Variants in TANC1 observed in about 807,000 individuals in gnomAD.
TANC1 encodes tetratricopeptide repeat, ankyrin repeat and coiled-coil containing 1, also known as protein TANC1.
Under a neutral mutation model 149.7 loss-of-function variants are expected in TANC1, and 77 were observed. That is an observed-to-expected ratio of 0.51 (90% CI 0.43 to 0.62). The LOEUF (loss-of-function observed/expected upper bound fraction) is 0.62, where lower values mean the gene tolerates loss of function less well. TANC1 is among the 20% of genes least tolerant of loss of function. The pLI is 0.00. For synonymous variants in TANC1, 854 were observed against 925.0 expected (o/e 0.92, Z 1.39); for missense variants, 1,985 against 2,321.8 (o/e 0.85, Z 2.98).
intron 19 of TANC1, among the ~76,000 whole-genome samples, chr2:159,205,623 A>G (rs1465055346): frequency 6.6e-6 from 1 of 152,256 alleles, no homozygotes; most frequent in East Asian, 1.9e-4. Flanking sequence ...AAAAGGCTGT[A>G]CCATATAGTC....
At chr2:159,094,626 C>T (rs907777839) in intron 3 of TANC1, among the ~76,000 whole-genome samples, 2 of 152,178 alleles carry the variant, frequency 1.3e-5, no homozygotes, top group Non-Finnish European at 2.9e-5. Flanking sequence ...AAACTCGTGA[C>T]CTGGCCGAAA....
chr2:159,208,491 T>C (rs952493253), intron 19 of TANC1, among the ~76,000 whole-genome samples: 4 of 152,182 alleles, frequency 2.6e-5, no homozygotes, highest in Non-Finnish European at 5.9e-5. Flanking sequence ...TACAGTAGAG[T>C]TTGTAACATG....
At chr2:159,158,923 T>C (rs2053715247) in intron 7 of TANC1, among the ~76,000 whole-genome samples, 1 of 152,256 alleles carries the variant, frequency 6.6e-6, no homozygotes, top group Non-Finnish European at 1.5e-5. Flanking sequence ...TTGTCTTCTC[T>C]GTAGCTCAAA....
chr2:159,214,108 G>A (rs1466209684), intron 19 of TANC1, among the ~76,000 whole-genome samples: 1 of 109,818 alleles, frequency 9.1e-6, no homozygotes, highest in Non-Finnish European at 1.7e-5. Context: ...CTGGGCAACA[G>A]AGCAAGATCC....
chr2:159,113,243 A>T (rs2047934517), intron 4 of TANC1, among the ~76,000 whole-genome samples: 1 of 152,134 alleles, frequency 6.6e-6, no homozygotes, highest in Non-Finnish European at 1.5e-5. Flanking sequence ...TGGGCATGAG[A>T]AGTTTAAGCA....
intron 1 of TANC1, among the ~76,000 whole-genome samples, chr2:158,982,158 C>T (rs2034461409): frequency 6.6e-6 from 1 of 152,118 alleles, no homozygotes; most frequent in Non-Finnish European, 1.5e-5. Flanking sequence ...TGGTAGCTGT[C>T]ATAAGCAGCT....
rs56319016 is a variant in TANC1, at chr2:159,203,209, C to CTTTTTTTT, written c.3244+4165_3244+4172dup. On this transcript the variant is annotated intron_variant, in intron 19 of 26. Transcript: ENST00000263635. ...ATCTTATTCGATAGGCTTTTCTTTT[C>CTTTTTTTT]TTTTTTTTTTTTTTTTGAGATGGAG... Among the ~76,000 whole-genome samples the CTTTTTTTT allele has an allele frequency of 2.0e-5, 2 of 101,666 alleles. 1 individual carries two copies. The highest frequency in any genetic ancestry group is 4.8e-5 in the Non-Finnish European group (2 of 41,896). 66.7% of individuals were successfully genotyped at this position (101,666 alleles called of 152,430 possible). A position where few individuals can be genotyped will look rare whatever the true frequency, so the allele number is the denominator to read the frequency against.
chr2:158,987,946 G>C lies in TANC1; in HGVS notation c.-125-13134G>C, dbSNP rs573267987. On this transcript the variant is annotated intron_variant, in intron 1 of 26. Coordinates refer to ENST00000263635, the MANE Select transcript of TANC1 (RefSeq NM_033394.3). ...AGAGAGTGTATTTAGGGTTGACCGTGTGCATTGCTTTACATTACCTACCTT... is the reference window on the plus strand; with the variant it reads ...AGAGAGTGTATTTAGGGTTGACCGTCTGCATTGCTTTACATTACCTACCTT... Among the ~76,000 whole-genome samples the C allele has an allele frequency of 3.3e-5, 5 of 152,286 alleles. No individual in the cohort carries two copies. In the South Asian group the frequency reaches 1.0e-3, roughly 32 times the overall value.
intron 19 of TANC1, among the ~76,000 whole-genome samples, chr2:159,199,992 G>A (rs2058130171): frequency 6.6e-6 from 1 of 152,204 alleles, no homozygotes; most frequent in South Asian, 2.1e-4. Context: ...AAGGAGCTGG[G>A]TGTGCTCCCA....
intron 2 of TANC1, among the ~76,000 whole-genome samples, chr2:159,059,931 G>GGT (rs2042117550): frequency 3.4e-4 from 13 of 38,694 alleles, no homozygotes; most frequent in Admixed American, 6.1e-4. Flanking sequence ...TGTGTGTGTG[G>GGT]TTTTTTGTTG....
At chr2:159,089,587 G>C (rs2045318121) in intron 3 of TANC1, among the ~76,000 whole-genome samples, 1 of 152,186 alleles carries the variant, frequency 6.6e-6, no homozygotes, top group Non-Finnish European at 1.5e-5. Flanking sequence ...CTGGCAGACT[G>C]GATGTTTTCC....
chr2:159,062,593 C>G (rs2042310586), intron 2 of TANC1, among the ~76,000 whole-genome samples: 1 of 152,242 alleles, frequency 6.6e-6, no homozygotes, highest in South Asian at 2.1e-4. Context: ...GAATTTACCA[C>G]TGCCTTCTCT....
chr2:159,130,063 C>T (rs945606557), intron 4 of TANC1, among the ~76,000 whole-genome samples: 1 of 152,140 alleles, frequency 6.6e-6, no homozygotes, highest in Non-Finnish European at 1.5e-5. Flanking sequence ...GACTGGGAGC[C>T]CAGCCCTGGA....
chr2:159,120,351 T>C (rs1042502571), intron 4 of TANC1, among the ~76,000 whole-genome samples: 7 of 151,442 alleles, frequency 4.6e-5, no homozygotes, highest in African/African-American at 1.2e-4. Context: ...CTTGAGGGAG[T>C]AGTTTGTTTA....
intron 2 of TANC1, among the ~76,000 whole-genome samples, chr2:159,016,295 C>T (rs916246889): frequency 5.3e-5 from 8 of 152,196 alleles, no homozygotes; most frequent in African/African-American, 1.9e-4. Flanking sequence ...TATTCACTAC[C>T]ACAAGAACAG....
At chr2:158,986,374 C>G (rs1164764156) in intron 1 of TANC1, among the ~76,000 whole-genome samples, 1 of 152,168 alleles carries the variant, frequency 6.6e-6, no homozygotes, top group African/African-American at 2.4e-5. Flanking sequence ...TCTGGGATAC[C>G]CAGTTGGAAA....
At chr2:159,145,924 G>T (rs564285216) in intron 5 of TANC1, among the ~76,000 whole-genome samples, 3 of 152,266 alleles carry the variant, frequency 2.0e-5, no homozygotes, top group South Asian at 4.1e-4. Flanking sequence ...CATCCCACTG[G>T]TATTGGGTAA....
intron 4 of TANC1, among the ~76,000 whole-genome samples, chr2:159,116,179 C>A (rs1190746627): frequency 6.6e-6 from 1 of 152,116 alleles, no homozygotes; most frequent in Non-Finnish European, 1.5e-5. Flanking sequence ...GTAATCCCAG[C>A]ACTTTGGGAG....
chr2:159,069,154 C>T (rs1381828987), intron 3 of TANC1, among the ~76,000 whole-genome samples: 1 of 152,136 alleles, frequency 6.6e-6, no homozygotes, highest in Admixed American at 6.5e-5. Flanking sequence ...CTAGGAAATG[C>T]TTATAGCTGG....
Sources: gnomAD v4.1 joint callset for allele counts (sites outside exome capture counted in the v4.1 genomes callset) on GRCh38, gnomAD v4.1.1 for gene constraint, MANE v1.5 for transcripts, NCBI Gene and HGNC (gene_info 2026-07-23, HGNC 2026-07-21) for gene names.